Variants in LRRC4C observed in about 807,000 individuals in gnomAD.
The protein encoded by LRRC4C is leucine rich repeat containing 4C.
Under a neutral mutation model 33.6 loss-of-function variants are expected in LRRC4C, and 5 were observed. That is an observed-to-expected ratio of 0.15 (90% CI 0.08 to 0.31). LRRC4C has a LOEUF of 0.31. LRRC4C is among the 10% of genes least tolerant of loss of function. The probability of loss-of-function intolerance (pLI) is 1.00; values close to 1 mark genes in which losing one functional copy is unlikely to be tolerated. For missense variants in LRRC4C, 560 were observed against 796.7 expected (o/e 0.70, Z 3.58); for synonymous variants, 329 against 302.0 (o/e 1.09, Z -0.93).
At chr11:41,353,509 C>T (rs1326869408) in intron 1 of LRRC4C, among the ~76,000 whole-genome samples, 12 of 152,092 alleles carry the variant, frequency 7.9e-5, no homozygotes, top group East Asian at 1.9e-4. Context: ...GGACTACTCC[C>T]TAACTCATTC....
chr11:40,800,393 A>G (rs916018699), intron 2 of LRRC4C, among the ~76,000 whole-genome samples: 11 of 152,194 alleles, frequency 7.2e-5, no homozygotes, highest in Non-Finnish European at 1.6e-4. Context: ...GTGGCCATGG[A>G]TGATATAATA....
chr11:40,349,987 A>G (rs901479641), intron 3 of LRRC4C, among the ~76,000 whole-genome samples: 1 of 152,106 alleles, frequency 6.6e-6, no homozygotes, highest in African/African-American at 2.4e-5. Context: ...TATTCTGGTT[A>G]TTAGTCCCTT....
At position 40,589,098 on chromosome 11, in the gene LRRC4C, A is replaced by C. The variant is rs2135717709; in HGVS notation, c.-270+59044T>G. 2.0e-5 allele frequency among the ~76,000 whole-genome samples: 3 copies of C among 152,134 alleles called. No homozygotes were observed. In the East Asian group the frequency reaches 5.8e-4, roughly 29 times the overall value. ...GGGGTGTTAAAGTCTCCCATTATTA[A>C]TGTGCGGGAGTCTAAGTCTCTTTGT... is the stretch of plus-strand genomic sequence containing the variant. On this transcript the variant is annotated intron_variant, in intron 3 of 6. Transcript: ENST00000528697.
intron 4 of LRRC4C, among the ~76,000 whole-genome samples, chr11:40,263,925 T>C (rs1215746616): frequency 6.6e-6 from 1 of 152,192 alleles, no homozygotes; most frequent in African/African-American, 2.4e-5. Flanking sequence ...CCTGGGTTTC[T>C]GGAGGATTTT....
At chr11:41,234,722 C>T (rs941985781) in intron 1 of LRRC4C, among the ~76,000 whole-genome samples, 3 of 151,898 alleles carry the variant, frequency 2.0e-5, no homozygotes, top group African/African-American at 7.2e-5. Context: ...GAATATGAGA[C>T]CATCTGATAA....
At chr11:40,858,718 A>G (rs1369167099) in intron 2 of LRRC4C, among the ~76,000 whole-genome samples, 4 of 141,764 alleles carry the variant, frequency 2.8e-5, no homozygotes, top group African/African-American at 8.3e-5. Flanking sequence ...AAAAAAAAAA[A>G]GATTGTGTGC....
In LRRC4C at chr11:40,861,627, C is replaced by A. The variant is rs186159351; in HGVS notation, c.-407+72008G>T. Among the ~76,000 whole-genome samples, 150 of 152,218 alleles carry A rather than the reference C, an allele frequency of 9.9e-4. 1 individual carries two copies. The East Asian group carries it at 0.02, about 20-fold the overall frequency. ...CAAGGGAAGCCATGAGAAGATATAA[C>A]CCCAAGAAGGCACGGTTATTGTGTT... On this transcript the variant is annotated intron_variant, in intron 2 of 6. Coordinates refer to ENST00000528697, the MANE Select transcript of LRRC4C (RefSeq NM_001258419.2).
intron 3 of LRRC4C, among the ~76,000 whole-genome samples, chr11:40,575,261 T>C (rs1181129575): frequency 6.6e-6 from 1 of 152,234 alleles, no homozygotes; most frequent in Non-Finnish European, 1.5e-5. Context: ...CCCAGCCATA[T>C]GTAGTTTTGC....
intron 2 of LRRC4C, among the ~76,000 whole-genome samples, chr11:40,766,432 A>C (rs1384561542): frequency 6.6e-6 from 1 of 151,090 alleles, no homozygotes; most frequent in Non-Finnish European, 1.5e-5. Flanking sequence ...CACTGGTAAT[A>C]GAAAGTACAT....
intron 3 of LRRC4C, among the ~76,000 whole-genome samples, chr11:40,501,088 A>C (rs1290362028): frequency 2.6e-5 from 4 of 152,168 alleles, no homozygotes; most frequent in East Asian, 1.9e-4. Context: ...TTAAAGTTCC[A>C]AAATGATCTC....
At chr11:40,361,713 G>T (rs1444666686) in intron 3 of LRRC4C, among the ~76,000 whole-genome samples, 1 of 151,978 alleles carries the variant, frequency 6.6e-6, no homozygotes, top group Non-Finnish European at 1.5e-5. Context: ...TAAACTACCA[G>T]TTCCCATTAA....
intron 1 of LRRC4C, among the ~76,000 whole-genome samples, chr11:40,970,635 T>C (rs1433405312): frequency 6.6e-6 from 1 of 152,114 alleles, no homozygotes; most frequent in Non-Finnish European, 1.5e-5. Context: ...GACTGGGCAA[T>C]GGGCTAAGGT....
At chr11:40,493,724 G>T (rs1954280123) in intron 3 of LRRC4C, among the ~76,000 whole-genome samples, 2 of 152,130 alleles carry the variant, frequency 1.3e-5, no homozygotes, top group African/African-American at 4.8e-5. Context: ...CAAGATGATA[G>T]CTTAAAAATT....
intron 3 of LRRC4C, among the ~76,000 whole-genome samples, chr11:40,491,530 T>C (rs1482442709): frequency 1.3e-5 from 2 of 152,138 alleles, no homozygotes; most frequent in Non-Finnish European, 2.9e-5. Flanking sequence ...ATTGACAGAA[T>C]TAAGTTTCTT....
intron 4 of LRRC4C, among the ~76,000 whole-genome samples, chr11:40,247,113 CT>C (rs11362328): frequency 0.11 from 16,905 of 148,256 alleles, 1,987 homozygotes; most frequent in African/African-American, 0.3. Flanking sequence ...CCTTTTCTCT[CT>C]TTTTTTTTTT....
intron 1 of LRRC4C, among the ~76,000 whole-genome samples, chr11:41,396,344 G>A (rs527449673): frequency 6.6e-6 from 1 of 151,936 alleles, no homozygotes; most frequent in Admixed American, 6.6e-5. Flanking sequence ...AATTAAGATA[G>A]GTATTGCAGT....
chr11:41,012,595 A>C (rs1349338601), intron 1 of LRRC4C, among the ~76,000 whole-genome samples: 1 of 152,154 alleles, frequency 6.6e-6, no homozygotes, highest in Non-Finnish European at 1.5e-5. Flanking sequence ...TTTTGAATAT[A>C]TGCCCAGTAG....
chr11:40,452,899 G>C (rs925236513), intron 3 of LRRC4C, among the ~76,000 whole-genome samples: 2 of 152,106 alleles, frequency 1.3e-5, no homozygotes, highest in African/African-American at 4.8e-5. Flanking sequence ...GATGAAGCTG[G>C]AATCCATCAT....
intron 1 of LRRC4C, among the ~76,000 whole-genome samples, chr11:41,168,913 A>G (rs1734999076): frequency 1.3e-5 from 2 of 152,188 alleles, no homozygotes. Flanking sequence ...GACAGAAGTA[A>G]CTGTCCTATG....
Sources: allele counts gnomAD v4.1 joint callset (sites outside exome capture counted in the v4.1 genomes callset), GRCh38; gene constraint gnomAD v4.1.1; transcripts MANE v1.5; gene names NCBI Gene and HGNC (gene_info 2026-07-23, HGNC 2026-07-21).